Variants in SEC23B observed in about 807,000 individuals in gnomAD.
The protein encoded by SEC23B is SEC23 homolog B, COPII component, also known as protein transport protein Sec23B.
In SEC23B, 77 loss-of-function variants were observed where a neutral mutation model predicts 104.3. The observed-to-expected ratio is 0.74, with a 90% CI of 0.61 to 0.89. SEC23B has a LOEUF of 0.89. SEC23B is among the 40% of genes least tolerant of loss of function. The probability of loss-of-function intolerance (pLI) is 0.00; values close to 1 mark genes in which losing one functional copy is unlikely to be tolerated. For missense variants in SEC23B, 885 were observed against 949.4 expected, an observed-to-expected ratio of 0.93 and a Z score of 0.89; for synonymous variants, 338 against 332.5, an observed-to-expected ratio of 1.02 and a Z score of -0.18.
chr20:18,513,086 A>G (rs2059995056), intron 3 of SEC23B, among the ~76,000 whole-genome samples: 1 of 152,216 alleles, frequency 6.6e-6, no homozygotes, highest in African/African-American at 2.4e-5. Flanking sequence ...CAGGAGGCTG[A>G]GGCAGGTGAA....
intron 12 of SEC23B, among the ~76,000 whole-genome samples, chr20:18,536,191 A>G (rs1014738762): frequency 6.6e-6 from 1 of 152,240 alleles, no homozygotes; most frequent in Non-Finnish European, 1.5e-5. Flanking sequence ...TCAGTTCCAG[A>G]CTACCACAAT....
At chr20:18,559,670 TTTG>T (rs1335028801) in intron 19 of SEC23B, among the ~76,000 whole-genome samples, 3 of 152,120 alleles carry the variant, frequency 2.0e-5, no homozygotes, top group South Asian at 2.1e-4. Flanking sequence ...GTGGGTGTTT[TTTG>T]TTGTTTTGTT....
chr20:18,553,624 C>G (rs567866926), intron 17 of SEC23B, among the ~76,000 whole-genome samples: 1 of 152,174 alleles, frequency 6.6e-6, no homozygotes, highest in African/African-American at 2.4e-5. Context: ...GGAGACAGAT[C>G]GTCTGCTTTC....
intron 16 of SEC23B, among the ~76,000 whole-genome samples, chr20:18,550,316 C>T (rs930352318): frequency 1.3e-4 from 20 of 151,846 alleles, no homozygotes; most frequent in Non-Finnish European, 2.5e-4. Flanking sequence ...CACTACAGCC[C>T]GGCTAATTTT....
Position 18,561,018 on chromosome 20 carries a change from T to C in SEC23B, c.*278T>C, listed in dbSNP as rs564007974. Reference sequence around the variant, plus strand: ...TCTAAATAAAATCAGAGGTAATGTATTTTGGCAGCTTGTTTAGGTGAGAAT... The same window carrying C: ...TCTAAATAAAATCAGAGGTAATGTACTTTGGCAGCTTGTTTAGGTGAGAAT... On this transcript the variant is annotated 3_prime_UTR_variant, in exon 20 of 20. Transcript: ENST00000650089. The C allele has an allele frequency of 9.5e-4, 391 of 409,766 alleles. 16 individuals carry two copies. The highest frequency in any genetic ancestry group is 8.6e-3 in the South Asian group (375 of 43,432). The allele number at this position is 409,766 out of a possible 1,614,324, so 25.4% of individuals were successfully genotyped here. A position where few individuals can be genotyped will look rare whatever the true frequency, so the allele number is the denominator to read the frequency against.
chr20:18,523,548 GAA>G (rs2060105815), intron 4 of SEC23B, among the ~76,000 whole-genome samples: 1 of 151,234 alleles, frequency 6.6e-6, no homozygotes. Flanking sequence ...GATTACAGGT[GAA>G]CCCCACTACG....
At chr20:18,516,351 A>G (rs1338246474) in intron 4 of SEC23B, among the ~76,000 whole-genome samples, 2 of 151,006 alleles carry the variant, frequency 1.3e-5, no homozygotes, top group East Asian at 3.9e-4. Context: ...TTCAATGAAT[A>G]TAGCTGTTCA....
At chr20:18,511,426 C>T (rs1456501797) in intron 2 of SEC23B, among the ~76,000 whole-genome samples, 1 of 151,976 alleles carries the variant, frequency 6.6e-6, no homozygotes, top group Non-Finnish European at 1.5e-5. Context: ...TCTCATGCTT[C>T]CCGGGTACAG....
rs770774015 is a variant in SEC23B, at chr20:18,535,721, C to G, written c.1383C>G (p.Ile461Met). ...TAGATCCTACATCTACACTTGGCAT[C>G]TATTTTGAAGTTGTCAATCAGGTGA... ...CGLDPTSTLG[I>M]YFEVVNQHNT... Residue 461 changes from isoleucine (I) to methionine (M), a missense_variant, in exon 12 of 20, where the codon ATC (isoleucine) becomes ATG (methionine). Ile to Met is a conservative substitution (Grantham distance 10). Coordinates refer to ENST00000650089, the MANE Select transcript of SEC23B (RefSeq NM_006363.6). 17 of 1,613,950 alleles carry G rather than the reference C, an allele frequency of 1.1e-5. No homozygotes were observed. Among genetic ancestry groups the G allele is most frequent in the Non-Finnish European group, 1.4e-5 (17 of 1,179,856 alleles).
At chr20:18,548,476 C>A in intron 15 of SEC23B, 133 bp from the exon 16 acceptor site, 1 of 842,066 alleles carries the variant, frequency 1.2e-6, no homozygotes, top group Non-Finnish European at 1.9e-6. Flanking sequence ...CCCCCTTATG[C>A]TTTCTGTTCT....
rs1479868616 is a variant in SEC23B at position 18,535,650 on chromosome 20, C to T, written c.1315-3C>T. On this transcript the variant is annotated splice_region_variant and splice_polypyrimidine_tract_variant and intron_variant, in intron 11 of 19. Coordinates refer to ENST00000650089, the MANE Select transcript of SEC23B (RefSeq NM_006363.6). ...TTTTTCAAATTCCTCTTCCCACCCC[C>T]AGGAGCTTGGTGTTGGTGGCACGAG... 1 of 1,613,762 alleles carries T rather than the reference C, an allele frequency of 6.2e-7. No individual in the cohort carries two copies. The highest frequency in any genetic ancestry group is 1.1e-5 in the South Asian group (1 of 91,074).
chr20:18,537,920 C>T (rs567496432), intron 12 of SEC23B, among the ~76,000 whole-genome samples: 1 of 151,860 alleles, frequency 6.6e-6, no homozygotes, highest in Admixed American at 6.6e-5. Flanking sequence ...GGCTGAGTGG[C>T]TGTGGCAGTT....
intron 4 of SEC23B, chr20:18,516,038 G>A: frequency 2.8e-6 from 1 of 356,524 alleles, no homozygotes; most frequent in South Asian, 2.5e-5. Flanking sequence ...ACTTATCCTT[G>A]ACCTCTCTCT....
chr20:18,542,872 C>T lies in SEC23B; in HGVS notation c.1512-147C>T. On this transcript the variant is annotated intron_variant, in intron 13 of 19. Coordinates refer to ENST00000650089, the MANE Select transcript of SEC23B (RefSeq NM_006363.6). ...CAGGCTGGTCTTGAACTTCTAGGCT[C>T]AAGCAGTCCTGCCACCTTGCCCTCC... 3 of 947,364 alleles carry T rather than the reference C, an allele frequency of 3.2e-6. No individual in the cohort carries two copies. In the South Asian group the frequency reaches 3.9e-5, roughly 12 times the overall value. The allele number at this position is 947,364 out of a possible 1,614,324, so 58.7% of individuals were successfully genotyped here.
At chr20:18,547,127 G>C (rs888245574) in intron 15 of SEC23B, among the ~76,000 whole-genome samples, 4 of 151,976 alleles carry the variant, frequency 2.6e-5, no homozygotes, top group Admixed American at 6.6e-5. Context: ...TGCTTTCTCA[G>C]ATTCCTTCTG....
intron 1 of SEC23B, 47 bp from the exon 2 acceptor site, chr20:18,510,775 G>A: frequency 7.0e-7 from 1 of 1,434,714 alleles, no homozygotes; most frequent in Non-Finnish European, 9.8e-7. Flanking sequence ...TTGACATTTA[G>A]TTCAGAATTT....
At chr20:18,530,197 T>C (rs963933721) in intron 9 of SEC23B, among the ~76,000 whole-genome samples, 22 of 152,242 alleles carry the variant, frequency 1.4e-4, no homozygotes, top group African/African-American at 5.0e-4. Context: ...CAAGTATGAA[T>C]TTAACATGCT....
intron 2 of SEC23B, among the ~76,000 whole-genome samples, 179 bp downstream of exon 2, chr20:18,511,235 C>T (rs909547201): frequency 7.9e-5 from 12 of 152,136 alleles, no homozygotes; most frequent in African/African-American, 2.9e-4. Context: ...GTAGAAATCT[C>T]CCTGGCCTGA....
rs115553291 is a variant in SEC23B at position 18,552,936 on chromosome 20, A to G, written c.1993-1299A>G. On this transcript the variant is annotated intron_variant, in intron 17 of 19. Transcript: ENST00000650089. ...GGAAGATGTACATCGGTTATATGAA[A>G]TACTATGCCATTTTGTATGAGGGAC... Among the ~76,000 whole-genome samples, 1,302 of 152,354 alleles carry G rather than the reference A, an allele frequency of 8.5e-3. 18 individuals carry two copies. Among genetic ancestry groups the G allele is most frequent in the African/African-American group, 0.03 (1,238 of 41,584 alleles).
Sources: allele counts gnomAD v4.1 joint callset (sites outside exome capture counted in the v4.1 genomes callset), GRCh38; gene constraint gnomAD v4.1.1; transcripts MANE v1.5; gene names NCBI Gene and HGNC (gene_info 2026-07-23, HGNC 2026-07-21).